STARD5: variants seen among roughly 807,000 people sequenced by gnomAD.
STARD5 encodes the protein StAR related lipid transfer domain containing 5, also known as stAR-related lipid transfer protein 5.
STARD5 carries 26 observed loss-of-function variants against 24.6 expected under a neutral mutation model. The observed-to-expected ratio is 1.06, with a 90% CI of 0.77 to 1.47. The LOEUF is 1.47. Ranked by LOEUF, STARD5 falls within the 40% of genes most tolerant of loss-of-function variation. The pLI is 0.00. For synonymous variants in STARD5, 101 were observed against 99.7 expected (o/e 1.01, Z -0.07); for missense variants, 254 against 270.8 (o/e 0.94, Z 0.44).
chr15:81,310,431 C>G lies in STARD5; in HGVS notation c.*2825G>C, dbSNP rs557468689. On this transcript the variant is annotated 3_prime_UTR_variant, in exon 6 of 6. Coordinates refer to ENST00000302824, the MANE Select transcript of STARD5 (RefSeq NM_181900.3). ...ATAATGGGCTTAGAGCAGTTTCTGTCCTGCTGGTTAACTTGTTTGGCCTAT... is the reference window on the plus strand; with the variant it reads ...ATAATGGGCTTAGAGCAGTTTCTGTGCTGCTGGTTAACTTGTTTGGCCTAT... 1 of 152,290 alleles carries G rather than the reference C, an allele frequency of 6.6e-6. No homozygotes were observed. The highest frequency in any genetic ancestry group is 2.1e-4 in the South Asian group (1 of 4,828). The allele number at this position is 152,290 out of a possible 1,614,324, so 9.4% of individuals were successfully genotyped here.
At chr15:81,316,485 T>A (rs1229185161) in intron 5 of STARD5, among the ~76,000 whole-genome samples, 1 of 152,234 alleles carries the variant, frequency 6.6e-6, no homozygotes, top group Non-Finnish European at 1.5e-5. Flanking sequence ...CTGTGTGACC[T>A]TGGGTTAGTT....
At chr15:81,317,867 C>T (rs906533110) in intron 5 of STARD5, among the ~76,000 whole-genome samples, 8 of 152,286 alleles carry the variant, frequency 5.3e-5, no homozygotes, top group East Asian at 1.9e-4. Flanking sequence ...AGAGAGTCCC[C>T]GGGGTCAATT....
intron 4 of STARD5, 69 bp from the exon 5 acceptor site, chr15:81,318,571 A>G: frequency 7.1e-7 from 1 of 1,415,416 alleles, no homozygotes; most frequent in Non-Finnish European, 9.9e-7. Flanking sequence ...TTGGGGTGCC[A>G]TAGAGCACAC....
In STARD5 at chr15:81,313,331, C is replaced by T. The variant is rs1202022866; in HGVS notation, c.567G>A (p.Val189=). The T allele has an allele frequency of 1.9e-6, 3 of 1,578,516 alleles. No individual in the cohort carries two copies. The highest frequency in any genetic ancestry group is 1.8e-5 in the Admixed American group (1 of 55,288). ...TCATGCTGCGGGGGAAGAAGGAGTC[C>T]ACCACGTTCTGTGGGAGGTAACCGC... ...DLSGYLPQNV[V]DSFFPRSMTR... Residue 189 remains valine, a synonymous_variant, in exon 6 of 6, where the codon GTG becomes GTA. Coordinates refer to ENST00000302824, the MANE Select transcript of STARD5 (RefSeq NM_181900.3).
chr15:81,313,978 A>C (rs1223799562), intron 5 of STARD5: 1 of 152,230 alleles, frequency 6.6e-6, no homozygotes, highest in Admixed American at 6.5e-5. Context: ...GGGCAAAAAT[A>C]TAAAAACAAT....
At chr15:81,313,480 G>A in intron 5 of STARD5, 77 bp from the exon 6 acceptor site, 1 of 1,366,990 alleles carries the variant, frequency 7.3e-7, no homozygotes, top group Non-Finnish European at 9.7e-7. Flanking sequence ...GGTGAGCAGA[G>A]CCCAGCCCAG....
rs1326022709 is a variant in STARD5, at chr15:81,314,246, C to T, written c.495-843G>A. Reference sequence around the variant, plus strand: ...TGAGAACTGCTATTTAGAGAACTGGCGAATAATTTGAGCACCTATGAAGGG... The same window carrying T: ...TGAGAACTGCTATTTAGAGAACTGGTGAATAATTTGAGCACCTATGAAGGG... On this transcript the variant is annotated intron_variant, in intron 5 of 5. Transcript: ENST00000302824. Among the ~76,000 whole-genome samples the T allele has an allele frequency of 9.9e-5, 15 of 152,128 alleles. No homozygotes were observed. The South Asian group carries it at 1.9e-3, about 19-fold the overall frequency.
chr15:81,321,747 T>C (rs542992483), intron 3 of STARD5, among the ~76,000 whole-genome samples: 1 of 152,284 alleles, frequency 6.6e-6, no homozygotes, highest in South Asian at 2.1e-4. Flanking sequence ...CAGAGGGCTA[T>C]GTGGAATGGA....
chr15:81,322,357 T>A, intron 3 of STARD5, 51 bp downstream of exon 3: 11 of 1,611,874 alleles, frequency 6.8e-6, no homozygotes, highest in Non-Finnish European at 9.3e-6. Context: ...AGGGGGTTAC[T>A]ATAGCCTGGC....
chr15:81,322,500 C>A lies in STARD5; in HGVS notation c.190G>T (p.Val64Leu), dbSNP rs762272960. 1.1e-5 allele frequency: 17 copies of A among 1,614,104 alleles called. No individual in the cohort carries two copies. The highest frequency in any genetic ancestry group is 2.2e-5 in the East Asian group (1 of 44,896). The change falls in exon 3 of 6, where the codon GTG (valine) becomes TTG (leucine). Residue 64 changes from valine (V) to leucine (L), a missense_variant. Physicochemically the swap from Val to Leu is conservative, Grantham distance 32. Transcript: ENST00000302824. The part of the protein sequence containing the change: ...EGIVYGTLEE[V>L]WDCVKPAVGG... ...ACAGCTGGCTTCACACAGTCCCACACCTCCTCTAGTGTCCCATATACAATG... is the reference window on the plus strand; with the variant it reads ...ACAGCTGGCTTCACACAGTCCCACAACTCCTCTAGTGTCCCATATACAATG...
chr15:81,319,338 C>A lies in STARD5; in HGVS notation c.400+1G>T. 1 of 1,612,706 alleles carries A rather than the reference C, an allele frequency of 6.2e-7. No individual in the cohort carries two copies. Among genetic ancestry groups the A allele is most frequent in the Non-Finnish European group, 8.5e-7 (1 of 1,178,690 alleles). ...TGGCAGCTCCTCCGGGCATCACTCA[C>A]CGTTGGAACTGATGGTCCCATCCTC... is the stretch of plus-strand genomic sequence containing the variant. On this transcript the variant is annotated splice_donor_variant, in intron 4 of 5. Transcript: ENST00000302824. LOFTEE classifies it high-confidence loss of function.
rs1269186065 is a variant in STARD5, at chr15:81,319,414, T to C, written c.325A>G (p.Lys109Glu). 3 of 1,614,106 alleles carry C rather than the reference T, an allele frequency of 1.9e-6. No homozygotes were observed. Among genetic ancestry groups the C allele is most frequent in the Non-Finnish European group, 2.5e-6 (3 of 1,180,046 alleles). The stretch of plus-strand genomic sequence containing the variant: ...ACAAAATCTCTGGGAGAAATGAGCT[T>C]CATGGCAGCGGAGGGAGTGGAGGTT... ...SRTSTPSAAM[K>E]LISPRDFVDL... Residue 109 changes from lysine to glutamate, a missense_variant, in exon 4 of 6, where the codon AAG becomes GAG. By Grantham distance (56) the Lys-to-Glu change is moderately conservative. Transcript: ENST00000302824.
In STARD5 at chr15:81,310,892, C is replaced by T. The variant is rs1034330127; in HGVS notation, c.*2364G>A. 3.3e-5 allele frequency: 5 copies of T among 152,204 alleles called. No individual in the cohort carries two copies. Among genetic ancestry groups the T allele is most frequent in the Non-Finnish European group, 5.9e-5 (4 of 68,088 alleles). 9.4% of individuals were successfully genotyped at this position (152,204 alleles called of 1,614,324 possible). A position where few individuals can be genotyped will look rare whatever the true frequency, so the allele number is the denominator to read the frequency against. On this transcript the variant is annotated 3_prime_UTR_variant, in exon 6 of 6. Coordinates refer to ENST00000302824, the MANE Select transcript of STARD5 (RefSeq NM_181900.3). ...GGTTATCTGTCCCAGGTTATCTGGG[C>T]ATAGATGCAGGTGAGCCCATGGCCC...
chr15:81,318,596 GCAGC>G (rs1901130877), intron 4 of STARD5, 94 bp from the exon 5 acceptor site: 1 of 1,141,388 alleles, frequency 8.8e-7, no homozygotes, highest in Non-Finnish European at 1.3e-6. Context: ...CAGACTACCT[GCAGC>G]CCTGGAGTCT....
chr15:81,313,209 C>A lies in STARD5; in HGVS notation c.*47G>T, dbSNP rs1020111404. ...CTCCTTGGTGTCCCAACAGCTGGAG[C>A]TCCTCGATGAGTCACGGGAGTTCTT... On this transcript the variant is annotated 3_prime_UTR_variant, in exon 6 of 6. Coordinates refer to ENST00000302824, the MANE Select transcript of STARD5 (RefSeq NM_181900.3). 2 of 1,473,344 alleles carry A rather than the reference C, an allele frequency of 1.4e-6. No individual in the cohort carries two copies. Among genetic ancestry groups the A allele is most frequent in the Non-Finnish European group, 9.0e-7 (1 of 1,105,962 alleles). The allele number at this position is 1,473,344 out of a possible 1,614,324, so 91.3% of individuals were successfully genotyped here. A position where few individuals can be genotyped will look rare whatever the true frequency, so the allele number is the denominator to read the frequency against.
rs547745590 is a variant in STARD5, at chr15:81,321,340, A to C, written c.282+1068T>G. Among the ~76,000 whole-genome samples the C allele has an allele frequency of 2.0e-5, 3 of 152,254 alleles. No individual in the cohort carries two copies. In the East Asian group the frequency reaches 5.8e-4, roughly 29 times the overall value. On this transcript the variant is annotated intron_variant, in intron 3 of 5. Coordinates refer to ENST00000302824, the MANE Select transcript of STARD5 (RefSeq NM_181900.3). ...AAAACAATTAGTCTTGGCCAGGCGCAGTGGCTTACACCTGTAATCCCAGCA... is the reference window on the plus strand; with the variant it reads ...AAAACAATTAGTCTTGGCCAGGCGCCGTGGCTTACACCTGTAATCCCAGCA...
In STARD5 at chr15:81,324,043, C is replaced by A; in HGVS notation, c.57G>T (p.Gln19His). The change falls in exon 1 of 6, where the codon CAG becomes CAT. Residue 19 changes from glutamine (Q) to histidine (H), a missense_variant. Gln to His is a conservative substitution (Grantham distance 24, BLOSUM62 0). Transcript: ENST00000302824. ...TCCAGCCTGCTGTGTCCCGCCGGTACTGGAGCATCTTCTCGGCCACAGCCT... is the reference window on the plus strand; with the variant it reads ...TCCAGCCTGCTGTGTCCCGCCGGTAATGGAGCATCTTCTCGGCCACAGCCT... ...MSEAVAEKML[Q>H]YRRDTAGWKI... 1 of 1,597,342 alleles carries A rather than the reference C, an allele frequency of 6.3e-7. No homozygotes were observed. The highest frequency in any genetic ancestry group is 8.5e-7 in the Non-Finnish European group (1 of 1,170,614).
chr15:81,321,410 G>A (rs1469179324), intron 3 of STARD5, among the ~76,000 whole-genome samples: 2 of 151,992 alleles, frequency 1.3e-5, no homozygotes, highest in African/African-American at 4.8e-5. Flanking sequence ...AAGAGATCGA[G>A]ACCATCCCAG....
At chr15:81,319,256 G>C (rs983559969) in intron 4 of STARD5, 83 bp downstream of exon 4, 5 of 1,257,200 alleles carry the variant, frequency 4.0e-6, no homozygotes, top group Non-Finnish European at 4.6e-6. Flanking sequence ...TGGTTGCTTG[G>C]CTTTCCTTAA....
Sources: gnomAD v4.1 joint callset for allele counts (sites outside exome capture counted in the v4.1 genomes callset) on GRCh38, gnomAD v4.1.1 for gene constraint, MANE v1.5 for transcripts, NCBI Gene and HGNC (gene_info 2026-07-23, HGNC 2026-07-21) for gene names.